The following POFUT3 variants were observed in gnomAD, a reference collection of about 807,000 sequenced individuals.
The protein encoded by POFUT3 is protein O-fucosyltransferase 3, also known as GDP-fucose protein O-fucosyltransferase 3.
chr8:33,347,398 T>C, the POFUT3 span, among the ~76,000 whole-genome samples: 1 of 152,240 alleles, frequency 6.6e-6, no homozygotes, highest in Non-Finnish European at 1.5e-5. Flanking sequence ...TCTAAATTAA[T>C]TATCCAGACT....
chr8:33,418,053 C>A, the POFUT3 span, among the ~76,000 whole-genome samples: 22 of 152,182 alleles, frequency 1.4e-4, no homozygotes, highest in African/African-American at 4.8e-4. Context: ...GGGGTCCAAC[C>A]CACGCCCAAA....
chr8:33,318,576 ATAT>A, the POFUT3 span, among the ~76,000 whole-genome samples: 1 of 89,246 alleles, frequency 1.1e-5, no homozygotes, highest in Admixed American at 1.7e-4. Context: ...ATATATAAAT[ATAT>A]TGTATATATA....
At chr8:33,350,298 A>T in the POFUT3 span, among the ~76,000 whole-genome samples, 4 of 152,106 alleles carry the variant, frequency 2.6e-5, no homozygotes, top group African/African-American at 9.7e-5. Flanking sequence ...GATCATCTGT[A>T]AGAGAGATTC....
the POFUT3 span, chr8:33,461,727 T>C: frequency 7.8e-7 from 1 of 1,282,558 alleles, no homozygotes; most frequent in South Asian, 1.5e-5. Context: ...AAAAAAATTC[T>C]GCAACAAAAG....
At chr8:33,379,853 A>G in the POFUT3 span, among the ~76,000 whole-genome samples, 1 of 128,034 alleles carries the variant, frequency 7.8e-6, no homozygotes, top group Non-Finnish European at 1.6e-5. Flanking sequence ...AAAAATATAT[A>G]TATATATATA....
chr8:33,439,804 T>C, the POFUT3 span, among the ~76,000 whole-genome samples: 6 of 150,322 alleles, frequency 4.0e-5, no homozygotes, highest in South Asian at 2.1e-4. Flanking sequence ...AGGGCGGAGG[T>C]TGCAGTGAGC....
At chr8:33,402,156 T>A in the POFUT3 span, among the ~76,000 whole-genome samples, 1 of 152,256 alleles carries the variant, frequency 6.6e-6, no homozygotes, top group Non-Finnish European at 1.5e-5. Flanking sequence ...ATATTGTCCA[T>A]GTGTCTGCCC....
At chr8:33,318,813 TTA>T in the POFUT3 span, among the ~76,000 whole-genome samples, 2,362 of 48,940 alleles carry the variant, frequency 0.048, 538 homozygotes, top group Non-Finnish European at 0.056. Context: ...TTTATATATA[TTA>T]TATATATATA....
chr8:33,461,267 CT>C, the POFUT3 span: 4 of 1,265,376 alleles, frequency 3.2e-6, no homozygotes, highest in East Asian at 2.6e-5. Context: ...CTGAACACCC[CT>C]GATTCAGCAA....
At chr8:33,390,846 T>C in the POFUT3 span, among the ~76,000 whole-genome samples, 1 of 152,186 alleles carries the variant, frequency 6.6e-6, no homozygotes, top group Non-Finnish European at 1.5e-5. Flanking sequence ...TGAAACATGA[T>C]GATGTGCAGA....
chr8:33,390,163 G>A, the POFUT3 span, among the ~76,000 whole-genome samples: 1 of 152,132 alleles, frequency 6.6e-6, no homozygotes, highest in South Asian at 2.1e-4. Context: ...CTGGGTGACA[G>A]AGCAAGACTC....
the POFUT3 span, among the ~76,000 whole-genome samples, chr8:33,390,639 A>G: frequency 2.6e-5 from 4 of 152,170 alleles, no homozygotes; most frequent in Admixed American, 1.3e-4. Context: ...GATTGATTTC[A>G]GCAAAGTGCA....
chr8:33,357,524 GTGTATACATATA>G, the POFUT3 span, among the ~76,000 whole-genome samples: 1 of 151,494 alleles, frequency 6.6e-6, no homozygotes, highest in African/African-American at 2.4e-5. Context: ...ATGTGTGTGT[GTGTATACATATA>G]TGTGTGTATA....
chr8:33,431,936 C>G, the POFUT3 span, among the ~76,000 whole-genome samples: 1 of 152,042 alleles, frequency 6.6e-6, no homozygotes, highest in African/African-American at 2.4e-5. Flanking sequence ...CAACACATTC[C>G]CTCTGAGGGA....
chr8:33,356,498 T>C, the POFUT3 span, among the ~76,000 whole-genome samples: 43 of 152,168 alleles, frequency 2.8e-4, no homozygotes, highest in African/African-American at 9.2e-4. Context: ...TCATGTCCTT[T>C]GCCCACTTTT....
chr8:33,422,604 C>A, the POFUT3 span, among the ~76,000 whole-genome samples: 23 of 150,626 alleles, frequency 1.5e-4, no homozygotes, highest in African/African-American at 5.4e-4. Flanking sequence ...AAGTTGTTGC[C>A]CCTCCACCCC....
the POFUT3 span, among the ~76,000 whole-genome samples, chr8:33,387,566 G>A: frequency 6.6e-6 from 1 of 152,198 alleles, no homozygotes; most frequent in Non-Finnish European, 1.5e-5. Flanking sequence ...CACTTTGGGA[G>A]GCTGAGACAG....
At chr8:33,326,006 C>T in the POFUT3 span, among the ~76,000 whole-genome samples, 2 of 152,194 alleles carry the variant, frequency 1.3e-5, no homozygotes, top group African/African-American at 4.8e-5. Flanking sequence ...TCCACCAAAC[C>T]TGGTGCTATT....
At chr8:33,461,238 G>A in the POFUT3 span, 146 of 772,036 alleles carry the variant, frequency 1.9e-4, no homozygotes, top group Middle Eastern at 1.2e-3. Flanking sequence ...AGGGAGGAAG[G>A]AAGGAACCAA....
Sources: allele counts gnomAD v4.1 joint callset (sites outside exome capture counted in the v4.1 genomes callset), GRCh38; gene constraint gnomAD v4.1.1; transcripts MANE v1.5; gene names NCBI Gene and HGNC (gene_info 2026-07-23, HGNC 2026-07-21).